Variants in TSC22D2 observed in about 807,000 individuals in gnomAD.
TSC22D2 encodes the protein TSC22 domain family protein 2.
In TSC22D2, 5 loss-of-function variants were observed where a neutral mutation model predicts 50.1. The ratio of observed to expected loss-of-function variants is 0.10; its 90% confidence interval spans 0.05 to 0.21. The LOEUF is 0.21. TSC22D2 is among the 10% of genes least tolerant of loss of function. The probability of loss-of-function intolerance (pLI) is 1.00; values close to 1 mark genes in which losing one functional copy is unlikely to be tolerated. For synonymous variants in TSC22D2, 501 were observed against 450.1 expected, an observed-to-expected ratio of 1.11 and a Z score of -1.43; for missense variants, 1,003 against 1,015.5, an observed-to-expected ratio of 0.99 and a Z score of 0.17.
At chr3:150,452,109 A>G (rs886475099) in intron 1 of TSC22D2, among the ~76,000 whole-genome samples, 7 of 152,098 alleles carry the variant, frequency 4.6e-5, no homozygotes, top group Admixed American at 1.3e-4. Flanking sequence ...TGTCCACATT[A>G]CTACAGATAA....
Position 150,410,100 on chromosome 3 carries a change from A to G in TSC22D2, c.750A>G (p.Ser250=), listed in dbSNP as rs745605542. 5.0e-6 allele frequency: 8 copies of G among 1,612,718 alleles called. No homozygotes were observed. The highest frequency in any genetic ancestry group is 1.1e-5 in the South Asian group (1 of 91,082). The change falls in exon 1 of 3, where the codon TCA becomes TCG. Residue 250 remains serine (S), a synonymous_variant. Coordinates refer to ENST00000688009, the MANE Select transcript of TSC22D2 (RefSeq NM_001303264.2). ...SGTDSSLTAV[S]QLPPSEKMSQ... The stretch of plus-strand genomic sequence containing the variant: ...CTGACAGCTCCTTGACTGCTGTGTC[A>G]CAGCTACCCCCGTCGGAGAAAATGA...
At chr3:150,439,357 G>T (rs1720644602) in intron 1 of TSC22D2, among the ~76,000 whole-genome samples, 1 of 152,032 alleles carries the variant, frequency 6.6e-6, no homozygotes, top group Non-Finnish European at 1.5e-5. Context: ...AATTGTTTCT[G>T]ATATAGTATT....
chr3:150,424,096 T>C (rs926259143), intron 1 of TSC22D2, among the ~76,000 whole-genome samples: 2 of 152,206 alleles, frequency 1.3e-5, no homozygotes, highest in African/African-American at 4.8e-5. Context: ...TGTGTGTCAC[T>C]CTAGGGAAAT....
At chr3:150,422,213 G>C (rs1003149587) in intron 1 of TSC22D2, among the ~76,000 whole-genome samples, 1 of 152,230 alleles carries the variant, frequency 6.6e-6, no homozygotes, top group Non-Finnish European at 1.5e-5. Context: ...GCTTCCAGAT[G>C]TACAGGTTGA....
intron 1 of TSC22D2, among the ~76,000 whole-genome samples, chr3:150,424,231 C>T (rs1720100364): frequency 6.6e-6 from 1 of 151,948 alleles, no homozygotes; most frequent in Non-Finnish European, 1.5e-5. Flanking sequence ...GTTCTGTAGC[C>T]ATTTAAATTA....
intron 1 of TSC22D2, chr3:150,423,336 A>G (rs1720075904): frequency 3.0e-6 from 1 of 334,394 alleles, no homozygotes; most frequent in Non-Finnish European, 5.4e-6. Flanking sequence ...TACTTTAAGT[A>G]TATCTATATT....
chr3:150,450,313 C>G (rs988162066), intron 1 of TSC22D2, among the ~76,000 whole-genome samples: 2 of 152,030 alleles, frequency 1.3e-5, no homozygotes, highest in African/African-American at 4.8e-5. Flanking sequence ...ATTCATCACA[C>G]CATTGCGGGA....
rs925411630 is a variant in TSC22D2 at position 150,465,978 on chromosome 3, G to A, written c.*7342G>A. 3.3e-5 allele frequency: 5 copies of A among 152,088 alleles called. No homozygotes were observed. Among genetic ancestry groups the A allele is most frequent in the Admixed American group, 2.0e-4 (3 of 15,266 alleles). The allele number at this position is 152,088 out of a possible 1,614,324, so 9.4% of individuals were successfully genotyped here. A position where few individuals can be genotyped will look rare whatever the true frequency, so the allele number is the denominator to read the frequency against. On this transcript the variant is annotated 3_prime_UTR_variant, in exon 3 of 3. Coordinates refer to ENST00000688009, the MANE Select transcript of TSC22D2 (RefSeq NM_001303264.2). ...TTGGAAAATATCCTCCATGATGGGG[G>A]AGCTACTGTAATACTATGAAATTGG...
At chr3:150,447,887 G>A (rs1170850852) in intron 1 of TSC22D2, among the ~76,000 whole-genome samples, 3 of 152,098 alleles carry the variant, frequency 2.0e-5, no homozygotes, top group Non-Finnish European at 4.4e-5. Context: ...AAAGTAGCAG[G>A]TATTATAGTG....
intron 1 of TSC22D2, among the ~76,000 whole-genome samples, chr3:150,415,760 G>C (rs564901669): frequency 2.0e-5 from 3 of 152,196 alleles, no homozygotes; most frequent in Non-Finnish European, 4.4e-5. Flanking sequence ...AGGCTACAGT[G>C]AGCTATATTA....
At chr3:150,411,343 A>C in intron 1 of TSC22D2, 35 bp downstream of exon 1, 1 of 1,555,656 alleles carries the variant, frequency 6.4e-7, no homozygotes, top group Non-Finnish European at 8.7e-7. Context: ...TTTGATAGAA[A>C]TGCTTGGCCA....
chr3:150,449,360 G>C (rs1339419371), intron 1 of TSC22D2, among the ~76,000 whole-genome samples: 1 of 152,040 alleles, frequency 6.6e-6, no homozygotes, highest in East Asian at 1.9e-4. Flanking sequence ...TGTAGTAGAA[G>C]TACTCTTGCT....
chr3:150,440,779 T>G (rs1454141481), intron 1 of TSC22D2, among the ~76,000 whole-genome samples: 1 of 152,048 alleles, frequency 6.6e-6, no homozygotes, highest in East Asian at 1.9e-4. Context: ...TACTTTGTCA[T>G]ATCCTTTTTG....
chr3:150,431,550 T>C (rs1355972725), intron 1 of TSC22D2, among the ~76,000 whole-genome samples: 1 of 152,186 alleles, frequency 6.6e-6, no homozygotes, highest in Non-Finnish European at 1.5e-5. Flanking sequence ...CTTGTGTTAG[T>C]CACCTAAAGG....
chr3:150,425,559 C>T (rs1328395934), intron 1 of TSC22D2, among the ~76,000 whole-genome samples: 1 of 152,086 alleles, frequency 6.6e-6, no homozygotes, highest in Non-Finnish European at 1.5e-5. Flanking sequence ...CTGCAAGTCC[C>T]TAACGTTATC....
Position 150,461,319 on chromosome 3 carries a change from A to T in TSC22D2, c.*2683A>T, listed in dbSNP as rs1721392182. The T allele has an allele frequency of 6.6e-6, 1 of 152,164 alleles. No individual in the cohort carries two copies. Among genetic ancestry groups the T allele is most frequent in the Non-Finnish European group, 1.5e-5 (1 of 68,030 alleles). The allele number at this position is 152,164 out of a possible 1,614,324, so 9.4% of individuals were successfully genotyped here. A position where few individuals can be genotyped will look rare whatever the true frequency, so the allele number is the denominator to read the frequency against. On this transcript the variant is annotated 3_prime_UTR_variant, in exon 3 of 3. Coordinates refer to ENST00000688009, the MANE Select transcript of TSC22D2 (RefSeq NM_001303264.2). The stretch of plus-strand genomic sequence containing the variant: ...CAGCTGATTGTTTAGGATCTTAAGT[A>T]ACTTCCAATTCAGCTTTGGAGATTT...
rs901877598 is a variant in TSC22D2, at chr3:150,461,917, C to T, written c.*3281C>T. 1.1e-4 allele frequency: 16 copies of T among 151,386 alleles called. No individual in the cohort carries two copies. Among genetic ancestry groups the T allele is most frequent in the Non-Finnish European group, 2.2e-4 (15 of 67,900 alleles). The allele number at this position is 151,386 out of a possible 1,614,324, so 9.4% of individuals were successfully genotyped here. On this transcript the variant is annotated 3_prime_UTR_variant, in exon 3 of 3. Transcript: ENST00000688009. ...TTCTTGAAAATTTATCTTTGCAGAA[C>T]CAGAAATAGCTAATTGTCTGGAAAC...
At chr3:150,448,756 A>G (rs1447027411) in intron 1 of TSC22D2, among the ~76,000 whole-genome samples, 1 of 152,026 alleles carries the variant, frequency 6.6e-6, no homozygotes, top group Admixed American at 6.6e-5. Flanking sequence ...ATGGCTCTAC[A>G]AGAAAAAAGT....
At chr3:150,444,915 GTAA>G (rs202207999) in intron 1 of TSC22D2, among the ~76,000 whole-genome samples, 1 of 127,148 alleles carries the variant, frequency 7.9e-6, no homozygotes, top group African/African-American at 2.7e-5. Context: ...CTCAGCTAGG[GTAA>G]TAATTTGTTT....
Sources: gnomAD v4.1 joint callset for allele counts (sites outside exome capture counted in the v4.1 genomes callset) on GRCh38, gnomAD v4.1.1 for gene constraint, MANE v1.5 for transcripts, NCBI Gene and HGNC (gene_info 2026-07-23, HGNC 2026-07-21) for gene names.